Variants in ACSM1 observed in about 807,000 individuals in gnomAD.
The protein encoded by ACSM1 is acyl-CoA synthetase medium chain family member 1, also known as acyl-coenzyme A synthetase ACSM1, mitochondrial.
A neutral mutation model predicts 75.8 loss-of-function variants in ACSM1; 79 were observed. The observed-to-expected ratio is 1.04, with a 90% CI of 0.87 to 1.26. The LOEUF (loss-of-function observed/expected upper bound fraction) is 1.26. Ranked by LOEUF, ACSM1 falls within the 50% of genes most tolerant of loss-of-function variation. The pLI is 0.00. For synonymous variants in ACSM1, 279 were observed against 265.8 expected (o/e 1.05, Z -0.48); for missense variants, 676 against 720.1 (o/e 0.94, Z 0.70).
chr16:20,653,116 C>T (rs1420826889), intron 7 of ACSM1, among the ~76,000 whole-genome samples: 1 of 152,138 alleles, frequency 6.6e-6, no homozygotes, highest in African/African-American at 2.4e-5. Context: ...AATCTATAAA[C>T]AAAATCCAGC....
Position 20,640,560 on chromosome 16 carries a change from G to C in ACSM1, c.1017C>G (p.His339Gln). 6.2e-7 allele frequency: 1 copy of C among 1,614,190 alleles called. No homozygotes were observed. Among genetic ancestry groups the C allele is most frequent in the Non-Finnish European group, 8.5e-7 (1 of 1,180,014 alleles). ...FTSIRFPALE[H>Q]CYTGGEVVLP... ...ACACGACCTCCCCGCCAGTATAGCA[G>C]TGCTCCAGGGCAGGGAACCTGATGC... Residue 339 changes from histidine to glutamine, a missense_variant, in exon 8 of 14, where the codon CAC becomes CAG. By Grantham distance (24) the His-to-Gln change is conservative (BLOSUM62 0). Transcript: ENST00000520010.
Position 20,645,807 on chromosome 16 carries a change from G to T in ACSM1, c.993-5223C>A, listed in dbSNP as rs1375647291. Among the ~76,000 whole-genome samples the T allele has an allele frequency of 2.0e-5, 3 of 152,162 alleles. No individual in the cohort carries two copies. In the South Asian group the frequency reaches 6.2e-4, roughly 32 times the overall value. On this transcript the variant is annotated intron_variant, in intron 7 of 13. Coordinates refer to ENST00000520010, the MANE Select transcript of ACSM1 (RefSeq NM_001318890.3). Reference sequence around the variant, plus strand: ...TAACTTGCATGCTGGAAGGACTAAGGAAAACTAGGAAGAAGGCTATGAATT... The same window carrying T: ...TAACTTGCATGCTGGAAGGACTAAGTAAAACTAGGAAGAAGGCTATGAATT...
intron 6 of ACSM1, among the ~76,000 whole-genome samples, chr16:20,664,348 GTCCTTATTCTTATA>G (rs2019454429): frequency 6.6e-6 from 1 of 151,974 alleles, no homozygotes; most frequent in Non-Finnish European, 1.5e-5. Context: ...AAGAGCAGGA[GTCCTTATTCTTATA>G]TCAGATAAAA....
At chr16:20,674,268 C>T (rs2020133049) in intron 4 of ACSM1, among the ~76,000 whole-genome samples, 1 of 152,212 alleles carries the variant, frequency 6.6e-6, no homozygotes, top group African/African-American at 2.4e-5. Context: ...CTTTCCCAGG[C>T]ATTGTGAAGA....
At chr16:20,672,501 A>G (rs1201899761) in intron 4 of ACSM1, among the ~76,000 whole-genome samples, 2 of 128,106 alleles carry the variant, frequency 1.6e-5, no homozygotes, top group African/African-American at 5.9e-5. Context: ...TATATAAAAA[A>G]CATATTTATA....
intron 7 of ACSM1, among the ~76,000 whole-genome samples, chr16:20,643,452 G>A (rs2152222734): frequency 6.6e-6 from 1 of 152,236 alleles, no homozygotes; most frequent in East Asian, 1.9e-4. Flanking sequence ...CCTTGCAGTG[G>A]GTGTTACAGC....
chr16:20,644,350 A>G (rs2018241184), intron 7 of ACSM1, among the ~76,000 whole-genome samples: 1 of 152,232 alleles, frequency 6.6e-6, no homozygotes, highest in Non-Finnish European at 1.5e-5. Flanking sequence ...TACTAACTTA[A>G]AAATCTTAAA....
chr16:20,694,696 A>G (rs1176917079), intron 1 of ACSM1, among the ~76,000 whole-genome samples: 3 of 152,228 alleles, frequency 2.0e-5, no homozygotes, highest in Non-Finnish European at 2.9e-5. Context: ...TTAACCAGTT[A>G]TCATGGTTTG....
intron 8 of ACSM1, among the ~76,000 whole-genome samples, chr16:20,638,766 T>C (rs1202638889): frequency 6.6e-6 from 1 of 152,206 alleles, no homozygotes; most frequent in Non-Finnish European, 1.5e-5. Context: ...CTTTGCCCAC[T>C]GCCACATCAC....
chr16:20,657,846 G>A (rs974851909), intron 7 of ACSM1, among the ~76,000 whole-genome samples: 5 of 151,478 alleles, frequency 3.3e-5, no homozygotes, highest in Non-Finnish European at 7.4e-5. Context: ...CTATGAGGGA[G>A]AACATGCAGT....
In ACSM1 at chr16:20,648,736, A is replaced by C. The variant is rs1217104305; in HGVS notation, c.993-8152T>G. Among the ~76,000 whole-genome samples, 1 of 152,242 alleles carries C rather than the reference A, an allele frequency of 6.6e-6. No individual in the cohort carries two copies. The highest frequency in any genetic ancestry group is 1.5e-5 in the Non-Finnish European group (1 of 68,034). ...AGATAAACTCAACCAACTGCCAATC[A>C]GAAAATCCTTCTATGACCTGGAAGC... is the stretch of plus-strand genomic sequence containing the variant. On this transcript the variant is annotated intron_variant, in intron 7 of 13. Transcript: ENST00000520010. The surrounding 1 kb of genome is among the most constrained non-coding windows in gnomAD (Gnocchi z 4.2).
At chr16:20,655,050 A>T (rs1224701090) in intron 7 of ACSM1, among the ~76,000 whole-genome samples, 3 of 152,148 alleles carry the variant, frequency 2.0e-5, no homozygotes, top group African/African-American at 7.2e-5. Flanking sequence ...CATATACACC[A>T]TGGAATACTA....
intron 7 of ACSM1, among the ~76,000 whole-genome samples, chr16:20,654,280 C>T (rs993029052): frequency 3.9e-5 from 6 of 152,066 alleles, no homozygotes; most frequent in Admixed American, 2.6e-4. Flanking sequence ...AATGTTAGAC[C>T]TAAAACCATA....
At position 20,623,523 on chromosome 16, in the gene ACSM1, C is replaced by T. The variant is rs149435984; in HGVS notation, c.1697G>A (p.Arg566Gln). The T allele has an allele frequency of 3.8e-5, 61 of 1,614,120 alleles. No individual in the cohort carries two copies. In the South Asian group the frequency reaches 5.5e-4, roughly 15 times the overall value. Reference protein sequence around the residue: ...LPKTITGKIERKELRKKETGQ... With the variant: ...LPKTITGKIEQKELRKKETGQ... Reference sequence around the variant, plus strand: ...AGTCTCCTTTTTCCGAAGTTCCTTCCGTTCAATCTTGCCAGTGATGGTTTT... The same window carrying T: ...AGTCTCCTTTTTCCGAAGTTCCTTCTGTTCAATCTTGCCAGTGATGGTTTT... Residue 566 changes from arginine to glutamine, a missense_variant, in exon 14 of 14, where the codon CGG (arginine) becomes CAG (glutamine). Transcript: ENST00000520010.
chr16:20,623,726 C>T (rs1208182044), intron 13 of ACSM1, among the ~76,000 whole-genome samples, 154 bp from the exon 14 acceptor site: 3 of 152,224 alleles, frequency 2.0e-5, no homozygotes, highest in Non-Finnish European at 4.4e-5. Flanking sequence ...AGGTTCTCCC[C>T]CTGGCCCCTA....
At chr16:20,678,602 T>C (rs895216425) in intron 4 of ACSM1, among the ~76,000 whole-genome samples, 2 of 152,216 alleles carry the variant, frequency 1.3e-5, no homozygotes, top group African/African-American at 4.8e-5. Flanking sequence ...GACCAAAGTG[T>C]TGTTAAAAGA....
intron 7 of ACSM1, among the ~76,000 whole-genome samples, chr16:20,661,212 A>T (rs1266287647): frequency 6.6e-6 from 1 of 152,204 alleles, no homozygotes; most frequent in Non-Finnish European, 1.5e-5. Context: ...ATAAAATAGG[A>T]TGCTGCACAC....
At chr16:20,630,105 C>A (rs745912625) in intron 10 of ACSM1, among the ~76,000 whole-genome samples, 18 of 149,904 alleles carry the variant, frequency 1.2e-4, no homozygotes, top group Non-Finnish European at 2.5e-4. Flanking sequence ...ATACTAATAT[C>A]CGACAGAAAA....
intron 10 of ACSM1, among the ~76,000 whole-genome samples, chr16:20,634,205 C>A (rs532165859): frequency 1.3e-5 from 2 of 152,274 alleles, no homozygotes; most frequent in East Asian, 3.9e-4. Flanking sequence ...ACAACACATA[C>A]AAAAGTTAAC....
Sources: gnomAD v4.1 joint callset for allele counts (sites outside exome capture counted in the v4.1 genomes callset) on GRCh38, gnomAD v4.1.1 for gene constraint, Gnocchi (gnomAD v3.1) non-coding constraint, MANE v1.5 for transcripts, NCBI Gene and HGNC (gene_info 2026-07-23, HGNC 2026-07-21) for gene names.